Variants in SCN3A observed in about 807,000 individuals in gnomAD.
The protein encoded by SCN3A is sodium channel protein type 3 subunit alpha.
SCN3A carries 60 observed loss-of-function variants against 187.6 expected under a neutral mutation model. The observed-to-expected ratio is 0.32, with a 90% CI of 0.26 to 0.40. The LOEUF is 0.40. Ranked by LOEUF, SCN3A falls within the 10% of genes least tolerant of loss-of-function variation. The probability of loss-of-function intolerance (pLI) is 1.00; values close to 1 mark genes in which losing one functional copy is unlikely to be tolerated. For missense variants in SCN3A, 1,601 were observed against 2,428.2 expected (o/e 0.66, Z 7.16); for synonymous variants, 788 against 829.2 (o/e 0.95, Z 0.85).
intron 4 of SCN3A, among the ~76,000 whole-genome samples, chr2:165,169,359 G>A (rs2105907923): frequency 6.6e-6 from 1 of 151,926 alleles, no homozygotes; most frequent in East Asian, 1.9e-4. Context: ...ATCCAATTTT[G>A]TGCTGATAAG....
intron 18 of SCN3A, among the ~76,000 whole-genome samples, chr2:165,120,029 T>A (rs1442663937): frequency 6.6e-6 from 1 of 152,178 alleles, no homozygotes; most frequent in Non-Finnish European, 1.5e-5. Context: ...TTTCCATCCC[T>A]TGTAGAAACG....
At chr2:165,143,093 T>C (rs189913200) in intron 12 of SCN3A, among the ~76,000 whole-genome samples, 59 of 152,228 alleles carry the variant, frequency 3.9e-4, no homozygotes, top group African/African-American at 1.3e-3. Context: ...TGTGAATCAC[T>C]CTGAGAGTTA....
chr2:165,162,631 T>G lies in SCN3A; in HGVS notation c.892A>C (p.Thr298Pro). The G allele has an allele frequency of 1.2e-6, 2 of 1,614,136 alleles. No individual in the cohort carries two copies. Among genetic ancestry groups the G allele is most frequent in the South Asian group, 2.2e-5 (2 of 91,084 alleles). The change falls in exon 8 of 28, where the codon ACA becomes CCA. Residue 298 changes from threonine (T) to proline (P), a missense_variant. Coordinates refer to ENST00000283254, the MANE Select transcript of SCN3A (RefSeq NM_006922.4). ...ACAAATGTCCCATTTGAATCCATTG[T>G]GCCATTAAAGTAGGAAGTGGTGTTG... The part of the protein sequence containing the change: ...ETNTTSYFNG[T>P]MDSNGTFVNV...
chr2:165,152,775 G>C (rs1688764319), intron 11 of SCN3A, among the ~76,000 whole-genome samples: 1 of 151,952 alleles, frequency 6.6e-6, no homozygotes, highest in Non-Finnish European at 1.5e-5. Flanking sequence ...CTAACTGGTG[G>C]GTGGGGGAGG....
chr2:165,192,161 ATATT>A (rs1559281356), intron 1 of SCN3A, among the ~76,000 whole-genome samples: 3 of 152,142 alleles, frequency 2.0e-5, no homozygotes, highest in African/African-American at 7.2e-5. Flanking sequence ...TATAGGCACT[ATATT>A]TATTAATTAT....
intron 18 of SCN3A, among the ~76,000 whole-genome samples, chr2:165,116,606 AAG>A (rs1263342874): frequency 6.6e-6 from 1 of 152,180 alleles, no homozygotes; most frequent in Non-Finnish European, 1.5e-5. Context: ...AGCCTTCTGA[AAG>A]AGTTACTGTG....
chr2:165,170,319 T>C, intron 4 of SCN3A, 111 bp downstream of exon 4: 1 of 713,846 alleles, frequency 1.4e-6, no homozygotes. Flanking sequence ...AAACTAACAA[T>C]GTTACCATTA....
At chr2:165,155,678 C>T in intron 10 of SCN3A, 84 bp downstream of exon 10, 1 of 1,515,744 alleles carries the variant, frequency 6.6e-7, no homozygotes, top group Non-Finnish European at 9.1e-7. Flanking sequence ...GGGTTACAGG[C>T]ATGAGCCACC....
rs1031857190 is a variant in SCN3A, at chr2:165,099,193, C to T, written c.3966+1109G>A. ...ACATCCTAACATGAAAGCCCTATCA[C>T]CTAGACTAAATTAAATATCCACATG... On this transcript the variant is annotated intron_variant, in intron 22 of 27. Transcript: ENST00000283254. Among the ~76,000 whole-genome samples the T allele has an allele frequency of 1.4e-4, 21 of 152,240 alleles. No homozygotes were observed. In the East Asian group the frequency reaches 4.1e-3, roughly 29 times the overall value.
intron 9 of SCN3A, among the ~76,000 whole-genome samples, chr2:165,161,344 T>A (rs1189233283): frequency 1.3e-5 from 2 of 152,042 alleles, no homozygotes; most frequent in Non-Finnish European, 2.9e-5. Context: ...TACAGAGAGC[T>A]TAGGACACTT....
At position 165,094,480 on chromosome 2, in the gene SCN3A, T is replaced by C; in HGVS notation, c.4432-2A>G. The C allele has an allele frequency of 6.3e-7, 1 of 1,586,566 alleles. No individual in the cohort carries two copies. Among genetic ancestry groups the C allele is most frequent in the Non-Finnish European group, 8.7e-7 (1 of 1,154,958 alleles). Reference sequence around the variant, plus strand: ...CATAAAGATGTCTTGACCTCCAAAGTAAAGACATAGTATAAAACTGGTTAC... The same window carrying C: ...CATAAAGATGTCTTGACCTCCAAAGCAAAGACATAGTATAAAACTGGTTAC... On this transcript the variant is annotated splice_acceptor_variant, in intron 25 of 27. Transcript: ENST00000283254. LOFTEE classifies it high-confidence loss of function.
intron 3 of SCN3A, among the ~76,000 whole-genome samples, chr2:165,171,107 T>C (rs1690076118): frequency 6.6e-6 from 1 of 152,000 alleles, no homozygotes. Flanking sequence ...TAGTCTGAAA[T>C]ACACCATTTC....
intron 4 of SCN3A, among the ~76,000 whole-genome samples, chr2:165,170,064 G>A (rs1268373539): frequency 6.6e-6 from 1 of 151,806 alleles, no homozygotes; most frequent in African/African-American, 2.4e-5. Context: ...AACAATTAAG[G>A]CGTAAAAGTT....
intron 2 of SCN3A, among the ~76,000 whole-genome samples, chr2:165,181,716 A>G (rs141045121): frequency 6.6e-6 from 1 of 152,314 alleles, no homozygotes; most frequent in African/African-American, 2.4e-5. Flanking sequence ...ATAGTTTGTC[A>G]GTTATTCTTT....
chr2:165,151,728 G>A (rs896718675), intron 11 of SCN3A, among the ~76,000 whole-genome samples: 2 of 152,100 alleles, frequency 1.3e-5, no homozygotes, highest in African/African-American at 4.8e-5. Context: ...ACAGAGGAGA[G>A]AGTTGAGCAG....
intron 1 of SCN3A, among the ~76,000 whole-genome samples, chr2:165,187,042 C>T (rs959575291): frequency 6.6e-6 from 1 of 152,138 alleles, no homozygotes; most frequent in African/African-American, 2.4e-5. Context: ...CACTCCTGAG[C>T]ATCCTTCTGT....
intron 6 of SCN3A, among the ~76,000 whole-genome samples, chr2:165,164,148 A>G (rs1455044900): frequency 6.6e-6 from 1 of 152,222 alleles, no homozygotes; most frequent in Non-Finnish European, 1.5e-5. Flanking sequence ...ATTGTAGTCA[A>G]TGAATAACTT....
chr2:165,112,231 C>T (rs140486349), intron 21 of SCN3A, among the ~76,000 whole-genome samples: 44 of 152,308 alleles, frequency 2.9e-4, no homozygotes, highest in African/African-American at 9.4e-4. Context: ...GGCTGCACGT[C>T]AGATAGATTC....
chr2:165,102,826 C>T (rs1028703609), intron 21 of SCN3A, among the ~76,000 whole-genome samples: 1 of 152,196 alleles, frequency 6.6e-6, no homozygotes, highest in African/African-American at 2.4e-5. Flanking sequence ...TCATAAAAAA[C>T]TACCTGACAC....
Sources: gnomAD v4.1 joint callset for allele counts (sites outside exome capture counted in the v4.1 genomes callset) on GRCh38, gnomAD v4.1.1 for gene constraint, MANE v1.5 for transcripts, NCBI Gene and HGNC (gene_info 2026-07-23, HGNC 2026-07-21) for gene names.